ADAMTS7: variants seen among roughly 807,000 people sequenced by gnomAD.
ADAMTS7 encodes ADAM metallopeptidase with thrombospondin type 1 motif 7.
ADAMTS7 carries 89 observed loss-of-function variants against 172.6 expected under a neutral mutation model. The ratio of observed to expected loss-of-function variants is 0.52; its 90% CI spans 0.43 to 0.61. The LOEUF (loss-of-function observed/expected upper bound fraction) is 0.61. Ranked by LOEUF, ADAMTS7 falls within the 20% of genes least tolerant of loss-of-function variation. The pLI is 0.00. For missense variants in ADAMTS7, 1,973 were observed against 2,355.6 expected, an observed-to-expected ratio of 0.84 and a Z score of 3.36; for synonymous variants, 885 against 978.4, an observed-to-expected ratio of 0.90 and a Z score of 1.78.
intron 2 of ADAMTS7, among the ~76,000 whole-genome samples, chr15:78,799,572 G>A (rs1236235995): frequency 6.9e-6 from 1 of 143,964 alleles, no homozygotes; most frequent in Non-Finnish European, 1.6e-5. Flanking sequence ...CTGGAGAAAA[G>A]CAGCCTAAAG....
intron 4 of ADAMTS7, among the ~76,000 whole-genome samples, chr15:78,793,129 T>G (rs1268186382): frequency 2.0e-5 from 3 of 152,184 alleles, no homozygotes; most frequent in Admixed American, 6.5e-5. Context: ...TCATTTAATC[T>G]TCTTACTTCT....
chr15:78,781,491 T>C lies in ADAMTS7; in HGVS notation c.1323-3903A>G, dbSNP rs2921120. Reference sequence around the variant, plus strand: ...CACGTATTGCTCTGCTTCTGTCTGGTTCTCCCCGGTGCCAAGGCTCTGGGA... The same window carrying C: ...CACGTATTGCTCTGCTTCTGTCTGGCTCTCCCCGGTGCCAAGGCTCTGGGA... On this transcript the variant is annotated intron_variant, in intron 8 of 23. Coordinates refer to ENST00000388820, the MANE Select transcript of ADAMTS7 (RefSeq NM_014272.5). Among the ~76,000 whole-genome samples, 1,018 of 152,268 alleles carry C rather than the reference T, an allele frequency of 6.7e-3. 21 individuals carry two copies. Among genetic ancestry groups the C allele is most frequent in the East Asian group, 0.06 (310 of 5,170 alleles).
intron 7 of ADAMTS7, among the ~76,000 whole-genome samples, chr15:78,788,985 A>G (rs1334517430): frequency 1.3e-5 from 2 of 152,216 alleles, no homozygotes; most frequent in Non-Finnish European, 2.9e-5. Flanking sequence ...ACAGCCAGGA[A>G]ATTGCAGTAC....
Position 78,764,587 on chromosome 15 carries a change from A to C in ADAMTS7, c.4387T>G (p.Cys1463Gly). Reference protein sequence around the residue: ...QPARRCHLRPCATWHSGNWSK... With the variant: ...QPARRCHLRPGATWHSGNWSK... ...CAGTTGCCTGAGTGCCAGGTGGCAC[A>C]GGGCCGCAGGTGGCAGCGGCGGGCA... The change falls in exon 20 of 24, where the codon TGT (cysteine) becomes GGT (glycine). Residue 1463 changes from cysteine (C) to glycine (G), a missense_variant. By Grantham distance (159) the Cys-to-Gly change is radical. Transcript: ENST00000388820. The C allele has an allele frequency of 6.4e-7, 1 of 1,558,682 alleles. No homozygotes were observed. Among genetic ancestry groups the C allele is most frequent in the Non-Finnish European group, 8.6e-7 (1 of 1,160,198 alleles).
At chr15:78,801,776 C>T (rs914802212) in intron 1 of ADAMTS7, among the ~76,000 whole-genome samples, 20 of 152,096 alleles carry the variant, frequency 1.3e-4, no homozygotes, top group Non-Finnish European at 1.9e-4. Flanking sequence ...CTCCTGAGCT[C>T]GAGCCATCCT....
chr15:78,798,001 T>C lies in ADAMTS7; in HGVS notation c.569A>G (p.Glu190Gly). Reference protein sequence around the residue: ...PHVVYKRQAPERLAQRGDSSA... With the variant: ...PHVVYKRQAPGRLAQRGDSSA... ...GGAATCACCCCGCTGTGCCAGCCTC[T>C]CCGGGGCCTGACGCTTGTACACCAC... Residue 190 changes from glutamate to glycine, a missense_variant, in exon 3 of 24, where the codon GAG becomes GGG. Coordinates refer to ENST00000388820, the MANE Select transcript of ADAMTS7 (RefSeq NM_014272.5). 1 of 1,588,614 alleles carries C rather than the reference T, an allele frequency of 6.3e-7. No individual in the cohort carries two copies. The highest frequency in any genetic ancestry group is 8.5e-7 in the Non-Finnish European group (1 of 1,170,180).
chr15:78,810,362 G>A (rs1179828137), intron 1 of ADAMTS7: 1 of 152,288 alleles, frequency 6.6e-6, no homozygotes, highest in African/African-American at 2.4e-5. Flanking sequence ...CTCGGTTACT[G>A]AATTCCCAGG....
Position 78,774,713 on chromosome 15 carries a change from C to G in ADAMTS7, c.1787G>C (p.Arg596Pro), listed in dbSNP as rs2277549. The change falls in exon 12 of 24, where the codon CGC becomes CCC. Residue 596 changes from arginine to proline, a missense_variant. Physicochemically the swap from Arg to Pro is moderately radical, Grantham distance 103. Transcript: ENST00000388820. ...LCNLQACPAG[R>P]PSFRHVQCSH... ...GCACTGGACGTGGCGGAAGGAGGGG[C>G]GGCCAGCAGGGCAGGCCTGCAGGTT... is the stretch of plus-strand genomic sequence containing the variant. 6.4e-7 allele frequency: 1 copy of G among 1,573,176 alleles called. No homozygotes were observed. Among genetic ancestry groups the G allele is most frequent in the South Asian group, 1.1e-5 (1 of 89,208 alleles).
In ADAMTS7 at chr15:78,762,486, T is replaced by C; in HGVS notation, c.4820A>G (p.Asp1607Gly). ...VNTQTGLPEE[D>G]SDQCGHEAWP... ...GGCCTCGTGGCCACACTGGTCACTG[T>C]CTTCCTCGGGCAGCCCTGTCTGGGT... The change falls in exon 23 of 24, where the codon GAC (aspartate) becomes GGC (glycine). Residue 1607 changes from aspartate (D) to glycine (G), a missense_variant. Physicochemically the swap from Asp to Gly is moderately conservative, Grantham distance 94. Transcript: ENST00000388820. The C allele has an allele frequency of 6.3e-7, 1 of 1,589,450 alleles. No individual in the cohort carries two copies. Among genetic ancestry groups the C allele is most frequent in the Non-Finnish European group, 8.6e-7 (1 of 1,168,350 alleles).
At chr15:78,806,128 A>AC (rs1491145070) in intron 1 of ADAMTS7, among the ~76,000 whole-genome samples, 195 of 19,196 alleles carry the variant, frequency 0.01, no homozygotes, top group East Asian at 0.06. Context: ...ACACACACAC[A>AC]AAAAAAAAAA....
chr15:78,777,359 C>T, intron 9 of ADAMTS7, 85 bp downstream of exon 9: 2 of 1,504,324 alleles, frequency 1.3e-6, no homozygotes, highest in Non-Finnish European at 1.8e-6. Flanking sequence ...TGCTCCCAGG[C>T]TGGCATCCAC....
Position 78,768,125 on chromosome 15 carries a change from G to T in ADAMTS7, c.2645+8C>A. ...TGGGGAGTTGGCGGGGGATGGGGGC[G>T]GGCTCACCTGGCAGGGCAGGGCTGC... On this transcript the variant is annotated splice_region_variant and intron_variant, in intron 17 of 23. Coordinates refer to ENST00000388820, the MANE Select transcript of ADAMTS7 (RefSeq NM_014272.5). 6.4e-7 allele frequency: 1 copy of T among 1,554,782 alleles called. No homozygotes were observed. Among genetic ancestry groups the T allele is most frequent in the Non-Finnish European group, 8.7e-7 (1 of 1,151,578 alleles).
chr15:78,759,788 A>G (rs1211694605), intron 23 of ADAMTS7, among the ~76,000 whole-genome samples: 4 of 152,124 alleles, frequency 2.6e-5, no homozygotes, highest in African/African-American at 9.7e-5. Context: ...GGACTCGAGA[A>G]CGGGTGCTGC....
rs776188638 is a variant in ADAMTS7, at chr15:78,762,570, G to C, written c.4741-5C>G. ...ACCACCACAGGGGCCTGAGCACTGAGGGGAGCGGGGGAGGAATGAGTGTCT... is the reference window on the plus strand; with the variant it reads ...ACCACCACAGGGGCCTGAGCACTGACGGGAGCGGGGGAGGAATGAGTGTCT... On this transcript the variant is annotated splice_region_variant and splice_polypyrimidine_tract_variant and intron_variant, in intron 22 of 23. Coordinates refer to ENST00000388820, the MANE Select transcript of ADAMTS7 (RefSeq NM_014272.5). The C allele has an allele frequency of 2.7e-6, 4 of 1,464,798 alleles. No homozygotes were observed. In the South Asian group the frequency reaches 4.2e-5, roughly 15 times the overall value. The allele number at this position is 1,464,798 out of a possible 1,614,324, so 90.7% of individuals were successfully genotyped here.
At position 78,764,092 on chromosome 15, in the gene ADAMTS7, C is replaced by T. The variant is rs773235448; in HGVS notation, c.4427G>A (p.Arg1476His). 3.2e-5 allele frequency: 49 copies of T among 1,525,778 alleles called. No homozygotes were observed. Among genetic ancestry groups the T allele is most frequent in the Admixed American group, 1.0e-4 (5 of 48,762 alleles). 94.5% of individuals were successfully genotyped at this position (1,525,778 alleles called of 1,614,324 possible). The change falls in exon 21 of 24, where the codon CGC (arginine) becomes CAC (histidine). Residue 1476 changes from arginine to histidine, a missense_variant. Arg to His is a conservative substitution (Grantham distance 29, BLOSUM62 0). This residue lies in a region of ADAMTS7 where 218 missense variants were observed against 216.9 expected (regional missense o/e 1.01). Coordinates refer to ENST00000388820, the MANE Select transcript of ADAMTS7 (RefSeq NM_014272.5). Reference sequence around the variant, plus strand: ...CACTGAGGAACCTCCGCCGCAGCTGCGGGAGCACTGGGGACCGAGAGACGT... The same window carrying T: ...CACTGAGGAACCTCCGCCGCAGCTGTGGGAGCACTGGGGACCGAGAGACGT... ...WHSGNWSKCS[R>H]SCGGGSSVRD...
At position 78,764,036 on chromosome 15, in the gene ADAMTS7, G is replaced by C. The variant is rs781329890; in HGVS notation, c.4483C>G (p.Leu1495Val). The change falls in exon 21 of 24, where the codon CTC becomes GTC. Residue 1495 changes from leucine to valine, a missense_variant. Coordinates refer to ENST00000388820, the MANE Select transcript of ADAMTS7 (RefSeq NM_014272.5). Reference protein sequence around the residue: ...RDVQCVDTRDLRPLRPFHCQP... With the variant: ...RDVQCVDTRDVRPLRPFHCQP... ...CAATGGAAGGGCCGCAGTGGCCGGA[G>C]GTCCCGTGTGTCCACACACTGCACG... 2 of 1,540,076 alleles carry C rather than the reference G, an allele frequency of 1.3e-6. No homozygotes were observed. The highest frequency in any genetic ancestry group is 2.7e-5 in the African/African-American group (2 of 72,958).
chr15:78,762,585 AAT>A lies in ADAMTS7; in HGVS notation c.4741-22_4741-21del. 1.4e-6 allele frequency: 2 copies of A among 1,397,156 alleles called. No individual in the cohort carries two copies. The highest frequency in any genetic ancestry group is 2.3e-4 in the Middle Eastern group (1 of 4,330). 86.5% of individuals were successfully genotyped at this position (1,397,156 alleles called of 1,614,324 possible). A position where few individuals can be genotyped will look rare whatever the true frequency, so the allele number is the denominator to read the frequency against. On this transcript the variant is annotated intron_variant, in intron 22 of 23. Coordinates refer to ENST00000388820, the MANE Select transcript of ADAMTS7 (RefSeq NM_014272.5). ...TGAGCACTGAGGGGAGCGGGGGAGG[AAT>A]GAGTGTCTCCAGGGCCAGCCCTAGC...
intron 1 of ADAMTS7, among the ~76,000 whole-genome samples, chr15:78,800,754 T>A (rs1390438738): frequency 6.6e-6 from 1 of 152,200 alleles, no homozygotes; most frequent in East Asian, 1.9e-4. Context: ...ACTTCTTTTG[T>A]TGTTATTGTT....
intron 23 of ADAMTS7, among the ~76,000 whole-genome samples, chr15:78,761,194 G>A (rs2055038177): frequency 6.6e-6 from 1 of 152,244 alleles, no homozygotes. Flanking sequence ...GCATGGCAGG[G>A]GCCACTCTGA....
Sources: allele counts gnomAD v4.1 joint callset (sites outside exome capture counted in the v4.1 genomes callset), GRCh38; gene constraint gnomAD v4.1.1; regional missense constraint gnomAD v4.1.1; transcripts MANE v1.5; gene names NCBI Gene and HGNC (gene_info 2026-07-23, HGNC 2026-07-21).